Variants in IL12RB2 observed in about 807,000 individuals in gnomAD.
The protein encoded by IL12RB2 is interleukin 12 receptor subunit beta 2.
A neutral mutation model predicts 89.4 loss-of-function variants in IL12RB2; 82 were observed. That is an observed-to-expected ratio of 0.92 (90% CI 0.77 to 1.10). IL12RB2 has a LOEUF of 1.10. IL12RB2 is among the 50% of genes least tolerant of loss of function. The pLI is 0.00. For missense variants in IL12RB2, 963 were observed against 1,031.9 expected (o/e 0.93, Z 0.92); for synonymous variants, 368 against 370.1 (o/e 0.99, Z 0.07).
chr1:67,347,132 TG>T (rs1660328701), intron 9 of IL12RB2, among the ~76,000 whole-genome samples: 1 of 152,102 alleles, frequency 6.6e-6, no homozygotes, highest in Non-Finnish European at 1.5e-5. Context: ...AGCTGCTATG[TG>T]GTAGAGCAAG....
intron 13 of IL12RB2, among the ~76,000 whole-genome samples, chr1:67,373,386 A>G (rs1417328844): frequency 6.6e-6 from 1 of 152,380 alleles, no homozygotes; most frequent in African/African-American, 2.4e-5. Flanking sequence ...CTGTGATTAC[A>G]GGCATGGGCC....
intron 16 of IL12RB2, among the ~76,000 whole-genome samples, chr1:67,392,629 T>C (rs1166285515): frequency 1.4e-5 from 2 of 139,068 alleles, no homozygotes; most frequent in Non-Finnish European, 3.1e-5. Context: ...ATATCTTTTT[T>C]TTTTTTTTTT....
chr1:67,377,687 A>T (rs1376648445), intron 13 of IL12RB2, among the ~76,000 whole-genome samples: 1 of 81,106 alleles, frequency 1.2e-5, no homozygotes, highest in African/African-American at 4.9e-5. Flanking sequence ...TATCTTCCCC[A>T]CCCCCCACCC....
intron 16 of IL12RB2, among the ~76,000 whole-genome samples, chr1:67,391,274 C>A (rs1311081015): frequency 2.6e-5 from 4 of 151,586 alleles, no homozygotes; most frequent in Admixed American, 1.3e-4. Flanking sequence ...ACTTTCTTCC[C>A]AAGAAGACCC....
chr1:67,328,957 C>A lies in IL12RB2; in HGVS notation c.664+573C>A, dbSNP rs145137825. On this transcript the variant is annotated intron_variant, in intron 6 of 16. Transcript: ENST00000674203. ...CAATCTCAAGCATTCCAAGTTCTGA[C>A]CATCCAGGCAGAACTGGGCTGCCTG... Among the ~76,000 whole-genome samples, 487 of 152,322 alleles carry A rather than the reference C, an allele frequency of 3.2e-3. 3 individuals are homozygous for A. The highest frequency in any genetic ancestry group is 0.011 in the African/African-American group (446 of 41,576).
At chr1:67,362,668 GC>G (rs1662230913) in intron 10 of IL12RB2, among the ~76,000 whole-genome samples, 1 of 150,804 alleles carries the variant, frequency 6.6e-6, no homozygotes, top group Admixed American at 6.6e-5. Flanking sequence ...GAGAAAAAAA[GC>G]CCATCAACCT....
intron 1 of IL12RB2, among the ~76,000 whole-genome samples, chr1:67,311,896 A>G (rs1226236508): frequency 6.6e-6 from 1 of 152,224 alleles, no homozygotes; most frequent in Non-Finnish European, 1.5e-5. Flanking sequence ...GTAGTACTTT[A>G]TGAAAATACT....
chr1:67,360,009 A>C (rs72678541), intron 10 of IL12RB2, among the ~76,000 whole-genome samples: 113 of 152,178 alleles, frequency 7.4e-4, no homozygotes, highest in Non-Finnish European at 1.5e-3. Context: ...GTAACTCACA[A>C]ATTGCTGGAG....
chr1:67,347,868 C>G (rs1033065980), intron 9 of IL12RB2, among the ~76,000 whole-genome samples: 2 of 152,166 alleles, frequency 1.3e-5, no homozygotes, highest in Non-Finnish European at 2.9e-5. Flanking sequence ...GCTCTCACAT[C>G]CACCAGAGGG....
At chr1:67,337,436 C>T (rs990572415) in intron 8 of IL12RB2, among the ~76,000 whole-genome samples, 2 of 152,178 alleles carry the variant, frequency 1.3e-5, no homozygotes, top group Non-Finnish European at 2.9e-5. Context: ...TGACTTCACT[C>T]ACTCACGTGA....
intron 9 of IL12RB2, among the ~76,000 whole-genome samples, chr1:67,341,477 A>G: frequency 1.3e-5 from 1 of 76,654 alleles, no homozygotes; most frequent in African/African-American, 3.3e-5. Context: ...GGAAGGAAGG[A>G]GAAAGAGAAA....
At chr1:67,360,156 CTT>C (rs1330570711) in intron 10 of IL12RB2, among the ~76,000 whole-genome samples, 1 of 152,128 alleles carries the variant, frequency 6.6e-6, no homozygotes, top group African/African-American at 2.4e-5. Flanking sequence ...AATCCCAACA[CTT>C]TGGGAGGCTG....
At chr1:67,372,924 A>G in intron 13 of IL12RB2, 141 bp downstream of exon 13, 1 of 723,138 alleles carries the variant, frequency 1.4e-6, no homozygotes, top group Non-Finnish European at 2.5e-6. Context: ...ATACTTGTAA[A>G]GTTAACTGAA....
Position 67,338,684 on chromosome 1 carries a change from A to T in IL12RB2, c.1019A>T (p.Gln340Leu). 1 of 1,525,766 alleles carries T rather than the reference A, an allele frequency of 6.6e-7. No homozygotes were observed. Among genetic ancestry groups the T allele is most frequent in the Non-Finnish European group, 9.1e-7 (1 of 1,099,416 alleles). 94.5% of individuals were successfully genotyped at this position (1,525,766 alleles called of 1,614,324 possible). A position where few individuals can be genotyped will look rare whatever the true frequency, so the allele number is the denominator to read the frequency against. Reference protein sequence around the residue: ...MKRHIDYSRQQISLFWKNLSV... With the variant: ...MKRHIDYSRQLISLFWKNLSV... ...CGGCACATTGACTACAGTAGACAACAGATTTCTCTTTTCTGGAAGGTGAGT... is the reference window on the plus strand; with the variant it reads ...CGGCACATTGACTACAGTAGACAACTGATTTCTCTTTTCTGGAAGGTGAGT... The change falls in exon 9 of 17, where the codon CAG becomes CTG. Residue 340 changes from glutamine to leucine, a missense_variant. Gln to Leu is a moderately radical substitution (Grantham distance 113). Transcript: ENST00000674203.
chr1:67,350,038 G>A (rs961365141), intron 9 of IL12RB2, among the ~76,000 whole-genome samples: 143 of 152,260 alleles, frequency 9.4e-4, no homozygotes, highest in African/African-American at 2.6e-3. Context: ...AAACACAGCC[G>A]GAGGCCCCCC....
intron 13 of IL12RB2, among the ~76,000 whole-genome samples, chr1:67,378,848 C>CAAA (rs56260019): frequency 1.6e-4 from 15 of 91,892 alleles, no homozygotes; most frequent in African/African-American, 5.8e-4. Context: ...AGACTCTTCT[C>CAAA]AAAAAAAAAA....
intron 6 of IL12RB2, among the ~76,000 whole-genome samples, chr1:67,329,071 G>A (rs1331058176): frequency 1.3e-5 from 2 of 152,152 alleles, no homozygotes; most frequent in African/African-American, 4.8e-5. Flanking sequence ...CTGATCATTG[G>A]CATTTACTAT....
chr1:67,339,933 C>T (rs1659334137), intron 9 of IL12RB2, among the ~76,000 whole-genome samples: 1 of 152,172 alleles, frequency 6.6e-6, no homozygotes, highest in South Asian at 2.1e-4. Context: ...TGGTGAACTG[C>T]ACTCTTTATT....
At chr1:67,365,421 G>A (rs749046460) in intron 10 of IL12RB2, among the ~76,000 whole-genome samples, 12 of 151,950 alleles carry the variant, frequency 7.9e-5, no homozygotes, top group Admixed American at 3.3e-4. Flanking sequence ...GAGAGAAAGA[G>A]GATGAAAATT....
Sources: allele counts gnomAD v4.1 joint callset (sites outside exome capture counted in the v4.1 genomes callset), GRCh38; gene constraint gnomAD v4.1.1; transcripts MANE v1.5; gene names NCBI Gene and HGNC (gene_info 2026-07-23, HGNC 2026-07-21).